The following ATP2B2 variants were observed in gnomAD, a reference collection of about 807,000 sequenced individuals.
ATP2B2 encodes the protein ATPase plasma membrane Ca2+ transporting 2, also known as plasma membrane calcium-transporting ATPase 2.
Under a neutral mutation model 120.0 loss-of-function variants are expected in ATP2B2, and 15 were observed. The ratio of observed to expected loss-of-function variants is 0.12; its 90% CI spans 0.08 to 0.19. The LOEUF is 0.19. Ranked by LOEUF, ATP2B2 falls within the 10% of genes least tolerant of loss-of-function variation. The pLI is 1.00. For missense variants in ATP2B2, 1,045 were observed against 1,719.8 expected (o/e 0.61, Z 6.94); for synonymous variants, 694 against 700.3 (o/e 0.99, Z 0.14).
intron 1 of ATP2B2, among the ~76,000 whole-genome samples, chr3:10,682,846 G>C (rs566465537): frequency 3.9e-5 from 6 of 152,322 alleles, no homozygotes; most frequent in Admixed American, 6.5e-5. Context: ...CTTCTGATGG[G>C]ACAACCACAG....
At chr3:10,378,201 C>T in intron 10 of ATP2B2, 51 bp downstream of exon 10, 1 of 1,588,154 alleles carries the variant, frequency 6.3e-7, no homozygotes, top group Non-Finnish European at 8.5e-7. Flanking sequence ...AGGGCTCTGC[C>T]TGGGGTCCCC....
At chr3:10,446,563 A>G (rs2063843082) in intron 2 of ATP2B2, among the ~76,000 whole-genome samples, 1 of 152,196 alleles carries the variant, frequency 6.6e-6, no homozygotes, top group Non-Finnish European at 1.5e-5. Context: ...ACAGCAGGCA[A>G]GTGGCAAAGC....
At chr3:10,553,959 G>A (rs1016285765) in intron 2 of ATP2B2, among the ~76,000 whole-genome samples, 2 of 139,790 alleles carry the variant, frequency 1.4e-5, no homozygotes, top group Non-Finnish European at 3.1e-5. Context: ...AGAAGCAAGA[G>A]ATTATAATGA....
At chr3:10,352,526 C>T (rs942599655) in intron 14 of ATP2B2, among the ~76,000 whole-genome samples, 2 of 152,180 alleles carry the variant, frequency 1.3e-5, no homozygotes, top group South Asian at 2.1e-4. Context: ...GTGATCTCCC[C>T]GTTGTTGAAG....
intron 1 of ATP2B2, among the ~76,000 whole-genome samples, chr3:10,488,085 C>A (rs527408230): frequency 9.9e-5 from 15 of 152,204 alleles, no homozygotes; most frequent in Admixed American, 2.6e-4. Flanking sequence ...ACCTATCCAT[C>A]TATCCATCCA....
At chr3:10,462,073 C>T (rs1336115647) in intron 1 of ATP2B2, among the ~76,000 whole-genome samples, 3 of 152,124 alleles carry the variant, frequency 2.0e-5, no homozygotes, top group African/African-American at 4.8e-5. Context: ...AATGCCTTGC[C>T]TCTCCCTGGG....
rs1044979650 is a variant in ATP2B2, at chr3:10,635,939, G to A, written c.-459-15978C>T. Among the ~76,000 whole-genome samples, 29 of 152,284 alleles carry A rather than the reference G, an allele frequency of 1.9e-4. No individual in the cohort carries two copies. Among genetic ancestry groups the A allele is most frequent in the Non-Finnish European group, 2.2e-4 (15 of 68,022 alleles). On this transcript the variant is annotated intron_variant, in intron 1 of 21. Coordinates refer to the ATP2B2 transcript ENST00000646379. This position sits in a 1 kb window ranked among gnomAD's most constrained non-coding sequence, Gnocchi z 4.3. Reference sequence around the variant, plus strand: ...CTCAGGGATGAGCCTCCAGGCAGAGGGCCCCCTGGACCTACCCAAATGGAT... The same window carrying A: ...CTCAGGGATGAGCCTCCAGGCAGAGAGCCCCCTGGACCTACCCAAATGGAT...
intron 2 of ATP2B2, among the ~76,000 whole-genome samples, chr3:10,582,282 G>C (rs2068409184): frequency 2.0e-5 from 3 of 152,144 alleles, no homozygotes; most frequent in Non-Finnish European, 4.4e-5. Flanking sequence ...GTTGGAGACA[G>C]ACCTTGCAAG....
chr3:10,616,343 TAGG>T (rs1286992624), intron 2 of ATP2B2, among the ~76,000 whole-genome samples: 1 of 152,166 alleles, frequency 6.6e-6, no homozygotes, highest in African/African-American at 2.4e-5. Flanking sequence ...GGTGAGGATA[TAGG>T]AGAAGTCAGC....
intron 10 of ATP2B2, among the ~76,000 whole-genome samples, chr3:10,376,439 G>A (rs759661229): frequency 3.3e-5 from 5 of 152,006 alleles, no homozygotes; most frequent in Non-Finnish European, 5.9e-5. Flanking sequence ...GCTTTTTTTT[G>A]GATGAGGAAA....
At chr3:10,669,809 C>A (rs1021463925) in intron 1 of ATP2B2, among the ~76,000 whole-genome samples, 1 of 152,198 alleles carries the variant, frequency 6.6e-6, no homozygotes, top group Non-Finnish European at 1.5e-5. Flanking sequence ...CTTATGTACT[C>A]TGACCCTGAA....
At chr3:10,642,453 T>C (rs1267233234) in intron 1 of ATP2B2, among the ~76,000 whole-genome samples, 4 of 152,114 alleles carry the variant, frequency 2.6e-5, no homozygotes, top group African/African-American at 9.7e-5. Context: ...TATAGTCTCT[T>C]GGAAGAAACA....
intron 1 of ATP2B2, among the ~76,000 whole-genome samples, chr3:10,670,002 T>G (rs529858439): frequency 2.6e-5 from 4 of 152,286 alleles, no homozygotes; most frequent in African/African-American, 9.6e-5. Flanking sequence ...AAAAGAAAAT[T>G]AAGTACAGAT....
chr3:10,378,142 T>A, intron 10 of ATP2B2, 110 bp downstream of exon 10: 2 of 1,447,574 alleles, frequency 1.4e-6, no homozygotes, highest in Non-Finnish European at 9.2e-7. Flanking sequence ...CAGGCACTCA[T>A]TCAAGCCCCC....
intron 1 of ATP2B2, among the ~76,000 whole-genome samples, chr3:10,620,611 C>T (rs1006212495): frequency 2.0e-5 from 3 of 152,128 alleles, no homozygotes; most frequent in African/African-American, 7.2e-5. Flanking sequence ...GACGGGGTGG[C>T]TTCCAGAGAG....
At chr3:10,602,966 A>G (rs1479833492) in intron 2 of ATP2B2, among the ~76,000 whole-genome samples, 1 of 152,016 alleles carries the variant, frequency 6.6e-6, no homozygotes, top group Non-Finnish European at 1.5e-5. Flanking sequence ...ACTTCTCAGC[A>G]CCCTCTCTTT....
In ATP2B2 at chr3:10,573,848, G is replaced by C. The variant is rs1575511977; in HGVS notation, c.-414-39715C>G. Among the ~76,000 whole-genome samples, 3 of 152,226 alleles carry C rather than the reference G, an allele frequency of 2.0e-5. No homozygotes were observed. In the South Asian group the frequency reaches 6.2e-4, roughly 32 times the overall value. On this transcript the variant is annotated intron_variant, in intron 2 of 21. Transcript: ENST00000646379. ...TCTAAAAAGAAGCCTTCTTCAATTT[G>C]CTTTTCCTCTGGGAGCTGTCAGCCC...
At chr3:10,448,438 T>C (rs897956355) in intron 2 of ATP2B2, among the ~76,000 whole-genome samples, 1 of 152,138 alleles carries the variant, frequency 6.6e-6, no homozygotes. Context: ...TTCCTTTCCA[T>C]GGTGAGCTGA....
chr3:10,580,243 G>A (rs754843750), intron 2 of ATP2B2, among the ~76,000 whole-genome samples: 29 of 152,244 alleles, frequency 1.9e-4, no homozygotes, highest in Non-Finnish European at 2.8e-4. Flanking sequence ...TAGGAAACGC[G>A]GAATACTCTA....
Sources: allele counts gnomAD v4.1 joint callset (sites outside exome capture counted in the v4.1 genomes callset), GRCh38; gene constraint gnomAD v4.1.1; non-coding constraint Gnocchi (gnomAD v3.1); transcripts MANE v1.5; gene names NCBI Gene and HGNC (gene_info 2026-07-23, HGNC 2026-07-21).